The following STK39 variants were observed in gnomAD, a reference collection of about 807,000 sequenced individuals.
The protein encoded by STK39 is serine/threonine kinase 39, also known as STE20/SPS1-related proline-alanine-rich protein kinase.
A neutral mutation model predicts 77.8 loss-of-function variants in STK39; 20 were observed. That is an observed-to-expected ratio of 0.26 (90% CI 0.18 to 0.37). The LOEUF (loss-of-function observed/expected upper bound fraction) is 0.37, where lower values mean the gene tolerates loss of function less well. Ranked by LOEUF, STK39 falls within the 10% of genes least tolerant of loss-of-function variation. STK39 has a pLI of 1.00. For synonymous variants in STK39, 246 were observed against 234.1 expected (o/e 1.05, Z -0.47); for missense variants, 479 against 656.5 (o/e 0.73, Z 2.95).
chr2:168,127,824 A>T (rs1687584657), intron 10 of STK39, among the ~76,000 whole-genome samples: 1 of 152,224 alleles, frequency 6.6e-6, no homozygotes, highest in South Asian at 2.1e-4. Flanking sequence ...AATTTATTGC[A>T]ATTGTCCAGT....
intron 16 of STK39, among the ~76,000 whole-genome samples, chr2:167,999,483 A>T (rs1683936533): frequency 6.6e-6 from 1 of 151,942 alleles, no homozygotes; most frequent in South Asian, 2.1e-4. Flanking sequence ...CTTTTTTGAG[A>T]TGGAGTCTCA....
intron 1 of STK39, among the ~76,000 whole-genome samples, chr2:168,223,716 T>TA (rs1690235609): frequency 6.6e-6 from 1 of 151,938 alleles, no homozygotes; most frequent in Admixed American, 6.6e-5. Context: ...TCCTGATTTG[T>TA]AAAACTGAGA....
chr2:168,110,489 T>C (rs544492634), intron 10 of STK39, among the ~76,000 whole-genome samples: 1 of 152,244 alleles, frequency 6.6e-6, no homozygotes, highest in Non-Finnish European at 1.5e-5. Context: ...CCTCCTGCCT[T>C]AGCCTCCCAA....
rs1289697818 is a variant in STK39 at position 167,962,110 on chromosome 2, T to C, written c.1563+2552A>G. On this transcript the variant is annotated intron_variant, in intron 17 of 17. Transcript: ENST00000355999. ...ACAGTATCATGACACTGCTGTTCTT[T>C]AGACAATTTTCAGGCCCCTGACGTT... Among the ~76,000 whole-genome samples the C allele has an allele frequency of 3.3e-5, 5 of 152,174 alleles. No homozygotes were observed. In the East Asian group the frequency reaches 9.6e-4, roughly 29 times the overall value.
intron 1 of STK39, among the ~76,000 whole-genome samples, chr2:168,240,399 G>GA (rs1212122723): frequency 6.6e-6 from 1 of 152,122 alleles, no homozygotes; most frequent in East Asian, 1.9e-4. Flanking sequence ...AACAAGAATG[G>GA]AAAAAAGGAA....
chr2:168,176,142 AAC>A (rs1470814711), intron 2 of STK39, among the ~76,000 whole-genome samples: 1 of 152,218 alleles, frequency 6.6e-6, no homozygotes, highest in Admixed American at 6.5e-5. Flanking sequence ...CGATAAAGAA[AAC>A]ACACACATAC....
chr2:168,002,601 C>A (rs1684028715), intron 16 of STK39, among the ~76,000 whole-genome samples: 2 of 152,154 alleles, frequency 1.3e-5, no homozygotes. Context: ...TCTAGGAATT[C>A]TTTCCTCCGC....
chr2:168,137,291 A>G (rs527380657), intron 8 of STK39, among the ~76,000 whole-genome samples: 1 of 152,330 alleles, frequency 6.6e-6, no homozygotes, highest in Middle Eastern at 3.4e-3. Context: ...GGAACTTCTC[A>G]GAGGCCTCTC....
intron 16 of STK39, among the ~76,000 whole-genome samples, chr2:168,011,424 ACATT>A (rs1684268130): frequency 6.6e-6 from 1 of 152,204 alleles, no homozygotes; most frequent in Non-Finnish European, 1.5e-5. Context: ...CCTAAGTAAT[ACATT>A]ATTAGAGTTA....
At chr2:168,071,073 G>T (rs1020577808) in intron 12 of STK39, among the ~76,000 whole-genome samples, 3 of 151,998 alleles carry the variant, frequency 2.0e-5, no homozygotes, top group African/African-American at 7.3e-5. Context: ...CTTCCTAGGA[G>T]GTCAAATAGC....
chr2:168,146,097 A>AACCTAGT (rs1688132058), intron 5 of STK39, among the ~76,000 whole-genome samples: 1 of 152,208 alleles, frequency 6.6e-6, no homozygotes, highest in Admixed American at 6.5e-5. Flanking sequence ...TCCTAGTAGC[A>AACCTAGT]AGCATAAGGA....
intron 5 of STK39, among the ~76,000 whole-genome samples, chr2:168,146,151 A>C (rs1176532951): frequency 6.6e-6 from 1 of 152,258 alleles, no homozygotes; most frequent in Non-Finnish European, 1.5e-5. Context: ...TCTGCCTCTA[A>C]TGAATTTTTC....
chr2:168,131,975 A>C (rs1371992410), intron 8 of STK39, among the ~76,000 whole-genome samples: 1 of 152,178 alleles, frequency 6.6e-6, no homozygotes, highest in Non-Finnish European at 1.5e-5. Context: ...GACATAAATA[A>C]TCCTCCAACA....
At chr2:168,224,651 CCTAA>C (rs765728674) in intron 1 of STK39, among the ~76,000 whole-genome samples, 3 of 152,108 alleles carry the variant, frequency 2.0e-5, no homozygotes, top group South Asian at 2.1e-4. Flanking sequence ...AGATTTTTCT[CCTAA>C]CTAATAAGGA....
At chr2:168,067,974 G>A (rs946913208) in intron 12 of STK39, among the ~76,000 whole-genome samples, 3 of 152,184 alleles carry the variant, frequency 2.0e-5, no homozygotes, top group East Asian at 3.8e-4. Context: ...AGCAGAAGGC[G>A]CAGGAGGAGC....
At chr2:168,088,181 AT>A (rs1574455247) in intron 10 of STK39, among the ~76,000 whole-genome samples, 1 of 152,300 alleles carries the variant, frequency 6.6e-6, no homozygotes, top group Admixed American at 6.5e-5. Flanking sequence ...AAGATATCTG[AT>A]TTTTTTCAAC....
At chr2:168,164,795 A>T (rs937807104) in intron 3 of STK39, among the ~76,000 whole-genome samples, 5 of 152,218 alleles carry the variant, frequency 3.3e-5, no homozygotes, top group Non-Finnish European at 5.9e-5. Context: ...CCATATACAG[A>T]TTAGTATCCT....
chr2:168,006,369 T>G (rs983925595), intron 16 of STK39, among the ~76,000 whole-genome samples: 3 of 152,252 alleles, frequency 2.0e-5, no homozygotes, highest in African/African-American at 7.2e-5. Flanking sequence ...CAAAAATTTA[T>G]ATCACAAAGT....
chr2:167,972,299 C>G (rs1692370202), intron 16 of STK39, among the ~76,000 whole-genome samples: 1 of 152,174 alleles, frequency 6.6e-6, no homozygotes, highest in Non-Finnish European at 1.5e-5. Context: ...TGAGGCTGAT[C>G]TTGAGCTATA....
Sources: allele counts gnomAD v4.1 joint callset (sites outside exome capture counted in the v4.1 genomes callset), GRCh38; gene constraint gnomAD v4.1.1; transcripts MANE v1.5; gene names NCBI Gene and HGNC (gene_info 2026-07-23, HGNC 2026-07-21).